The following SDCCAG8 variants were observed in gnomAD, a reference collection of about 807,000 sequenced individuals.
The protein encoded by SDCCAG8 is serologically defined colon cancer antigen 8.
A neutral mutation model predicts 101.8 loss-of-function variants in SDCCAG8; 74 were observed. That is an observed-to-expected ratio of 0.73 (90% CI 0.60 to 0.88). The LOEUF is 0.88. Among genes scored for constraint, SDCCAG8 ranks in the 40% least tolerant of loss-of-function variants. The pLI is 0.00. For missense variants in SDCCAG8, 787 were observed against 822.6 expected (o/e 0.96, Z 0.53); for synonymous variants, 281 against 292.9 (o/e 0.96, Z 0.41).
At chr1:243,369,950 C>T (rs535208234) in intron 12 of SDCCAG8, among the ~76,000 whole-genome samples, 3 of 152,012 alleles carry the variant, frequency 2.0e-5, no homozygotes, top group Admixed American at 6.6e-5. Flanking sequence ...CTCACAATTT[C>T]GGGTTGTCTT....
intron 13 of SDCCAG8, among the ~76,000 whole-genome samples, chr1:243,393,100 A>G (rs2078804051): frequency 6.6e-6 from 1 of 152,230 alleles, no homozygotes; most frequent in Admixed American, 6.5e-5. Flanking sequence ...AAACTGAATC[A>G]GTGGGAGGTG....
chr1:243,347,766 G>A (rs2075804663), intron 12 of SDCCAG8, among the ~76,000 whole-genome samples: 1 of 152,120 alleles, frequency 6.6e-6, no homozygotes, highest in South Asian at 2.1e-4. Flanking sequence ...ACAAGGATGA[G>A]CTGACCTGAA....
intron 16 of SDCCAG8, among the ~76,000 whole-genome samples, chr1:243,454,972 T>C (rs539695241): frequency 6.6e-6 from 1 of 152,196 alleles, no homozygotes; most frequent in Non-Finnish European, 1.5e-5. Context: ...AGATCCACCA[T>C]GACGTAATTT....
chr1:243,473,960 G>A (rs1254498983), intron 16 of SDCCAG8, among the ~76,000 whole-genome samples: 4 of 125,890 alleles, frequency 3.2e-5, no homozygotes, highest in Non-Finnish European at 6.3e-5. Context: ...ACTTCTTTGA[G>A]TTCTCAAGAT....
chr1:243,328,812 T>C (rs1264575716), intron 9 of SDCCAG8, among the ~76,000 whole-genome samples: 1 of 152,236 alleles, frequency 6.6e-6, no homozygotes, highest in Non-Finnish European at 1.5e-5. Flanking sequence ...GCTTGTTCTT[T>C]AGTTGACTGA....
At chr1:243,355,807 G>A (rs2076349429) in intron 12 of SDCCAG8, among the ~76,000 whole-genome samples, 1 of 152,014 alleles carries the variant, frequency 6.6e-6, no homozygotes, top group African/African-American at 2.4e-5. Flanking sequence ...TCAGGGTCTT[G>A]CTATGTTGCC....
At chr1:243,450,550 G>A (rs1460781037) in intron 16 of SDCCAG8, among the ~76,000 whole-genome samples, 2 of 152,214 alleles carry the variant, frequency 1.3e-5, no homozygotes, top group Non-Finnish European at 2.9e-5. Flanking sequence ...GGGAAAGCAT[G>A]TATTCTAGCG....
chr1:243,373,745 G>A (rs996375302), intron 12 of SDCCAG8, among the ~76,000 whole-genome samples: 23 of 152,224 alleles, frequency 1.5e-4, no homozygotes, highest in Non-Finnish European at 2.6e-4. Context: ...AAGTCCCTGG[G>A]GAGACATAAG....
chr1:243,495,026 C>A (rs537485845), intron 17 of SDCCAG8, among the ~76,000 whole-genome samples: 3 of 152,354 alleles, frequency 2.0e-5, no homozygotes, highest in African/African-American at 7.2e-5. Flanking sequence ...ATCTATTTAC[C>A]ATGGAAACAT....
At chr1:243,466,427 G>A (rs1056108258) in intron 16 of SDCCAG8, among the ~76,000 whole-genome samples, 8 of 152,150 alleles carry the variant, frequency 5.3e-5, no homozygotes, top group Admixed American at 2.6e-4. Context: ...TAACAGTGCA[G>A]GTTCTGAACT....
intron 12 of SDCCAG8, among the ~76,000 whole-genome samples, chr1:243,346,855 G>A (rs532786628): frequency 2.0e-5 from 3 of 152,042 alleles, no homozygotes; most frequent in South Asian, 2.1e-4. Context: ...ATTTTTTTAG[G>A]CAATGGTTAT....
At position 243,258,932 on chromosome 1, in the gene SDCCAG8, T is replaced by C. The variant is rs559957254; in HGVS notation, c.67+2692T>C. Among the ~76,000 whole-genome samples, 6 of 152,382 alleles carry C rather than the reference T, an allele frequency of 3.9e-5. No homozygotes were observed. The South Asian group carries it at 1.0e-3, about 26-fold the overall frequency. On this transcript the variant is annotated intron_variant, in intron 1 of 17. Coordinates refer to ENST00000366541, the MANE Select transcript of SDCCAG8 (RefSeq NM_006642.5). Reference sequence around the variant, plus strand: ...AATGCCTTGCGTAGTTTATGATTAATGGAAGCCTAATAAACAGTCTTGGTC... The same window carrying C: ...AATGCCTTGCGTAGTTTATGATTAACGGAAGCCTAATAAACAGTCTTGGTC...
chr1:243,302,521 C>T (rs2071620532), intron 6 of SDCCAG8, among the ~76,000 whole-genome samples: 1 of 152,140 alleles, frequency 6.6e-6, no homozygotes, highest in Non-Finnish European at 1.5e-5. Flanking sequence ...AAAAGATAAA[C>T]ACCAACTGCT....
At chr1:243,336,285 G>A (rs754754244) in intron 10 of SDCCAG8, among the ~76,000 whole-genome samples, 8 of 151,928 alleles carry the variant, frequency 5.3e-5, no homozygotes, top group African/African-American at 1.2e-4. Flanking sequence ...TGCATGGTCT[G>A]TTGTTTTTTG....
chr1:243,456,677 ATTGGC>A lies in SDCCAG8; in HGVS notation c.1985+30124_1985+30128del, dbSNP rs2083782955. ...TTAAAAAGGGGGTAGAGGGAGGGCAATTGGCTTGGTTTTGGTAAAGGGGTAGGGGA... is the reference window on the plus strand; with the variant it reads ...TTAAAAAGGGGGTAGAGGGAGGGCAATTGGTTTTGGTAAAGGGGTAGGGGA... On this transcript the variant is annotated intron_variant, in intron 16 of 17. Coordinates refer to ENST00000366541, the MANE Select transcript of SDCCAG8 (RefSeq NM_006642.5). Among the ~76,000 whole-genome samples the A allele has an allele frequency of 2.6e-5, 4 of 152,150 alleles. No homozygotes were observed. In the South Asian group the frequency reaches 8.3e-4, roughly 32 times the overall value.
chr1:243,350,645 G>A (rs1200407907), intron 12 of SDCCAG8, among the ~76,000 whole-genome samples: 1 of 152,242 alleles, frequency 6.6e-6, no homozygotes, highest in Non-Finnish European at 1.5e-5. Context: ...ATTATTTCAA[G>A]GAAAAAGTTA....
At chr1:243,299,841 C>T (rs2071324006) in intron 6 of SDCCAG8, among the ~76,000 whole-genome samples, 1 of 151,724 alleles carries the variant, frequency 6.6e-6, no homozygotes, top group Non-Finnish European at 1.5e-5. Flanking sequence ...TTCCCCTTTA[C>T]CTCTTTTTCT....
chr1:243,437,725 A>T (rs2082238933), intron 16 of SDCCAG8, among the ~76,000 whole-genome samples: 1 of 151,968 alleles, frequency 6.6e-6, no homozygotes, highest in South Asian at 2.1e-4. Context: ...TTTTTAGTAG[A>T]GACGGGGTTT....
At chr1:243,412,560 GA>G (rs2080258473) in intron 13 of SDCCAG8, among the ~76,000 whole-genome samples, 1 of 152,018 alleles carries the variant, frequency 6.6e-6, no homozygotes, top group South Asian at 2.1e-4. Context: ...AACATTATGA[GA>G]TTTTTTTTGT....
Sources: allele counts gnomAD v4.1 joint callset (sites outside exome capture counted in the v4.1 genomes callset), GRCh38; gene constraint gnomAD v4.1.1; transcripts MANE v1.5; gene names NCBI Gene and HGNC (gene_info 2026-07-23, HGNC 2026-07-21).